Variants in TULP3 observed in about 807,000 individuals in gnomAD.
TULP3 encodes TUB like protein 3, also known as tubby-related protein 3.
TULP3 carries 38 observed loss-of-function variants against 50.7 expected under a neutral mutation model. That is an observed-to-expected ratio of 0.75 (90% CI 0.58 to 0.98). The LOEUF (loss-of-function observed/expected upper bound fraction) is 0.98. Ranked by LOEUF, TULP3 falls within the 50% of genes least tolerant of loss-of-function variation. The pLI, the probability that TULP3 is intolerant of heterozygous loss-of-function variation, is 0.00. For synonymous variants in TULP3, 183 were observed against 196.6 expected (o/e 0.93, Z 0.58); for missense variants, 550 against 568.0 (o/e 0.97, Z 0.32).
intron 4 of TULP3, among the ~76,000 whole-genome samples, chr12:2,929,148 C>T (rs1274095449): frequency 6.6e-6 from 1 of 151,772 alleles, no homozygotes; most frequent in East Asian, 1.9e-4. Flanking sequence ...GAAACCCCGT[C>T]TCTACTAAAA....
intron 1 of TULP3, among the ~76,000 whole-genome samples, chr12:2,904,698 CT>C (rs965962698): frequency 2.0e-5 from 3 of 149,250 alleles, no homozygotes; most frequent in South Asian, 2.1e-4. Context: ...AATTACTCCA[CT>C]TTTTTTTTTC....
chr12:2,915,231 C>G (rs2098187944), intron 2 of TULP3, among the ~76,000 whole-genome samples: 1 of 152,146 alleles, frequency 6.6e-6, no homozygotes, highest in Non-Finnish European at 1.5e-5. Flanking sequence ...CTCAAGTGAT[C>G]CACCCATCTC....
intron 5 of TULP3, among the ~76,000 whole-genome samples, chr12:2,930,577 T>A (rs1019889041): frequency 1.1e-4 from 17 of 152,034 alleles, no homozygotes; most frequent in Non-Finnish European, 2.1e-4. Context: ...GCGCCCGCCA[T>A]GACACCCGGC....
intron 4 of TULP3, among the ~76,000 whole-genome samples, chr12:2,923,808 C>CA (rs1269262773): frequency 5.2e-4 from 77 of 147,514 alleles, no homozygotes; most frequent in Non-Finnish European, 8.2e-4. Flanking sequence ...CTTGTCTCTA[C>CA]AAAAAATGCA....
chr12:2,934,644 C>T (rs1426355639), intron 8 of TULP3, 83 bp downstream of exon 8: 5 of 732,286 alleles, frequency 6.8e-6, no homozygotes, highest in Non-Finnish European at 1.1e-5. Context: ...GAAGAACCTC[C>T]CCTCCCAAGC....
intron 2 of TULP3, among the ~76,000 whole-genome samples, chr12:2,915,137 C>T (rs966471891): frequency 6.6e-6 from 1 of 152,036 alleles, no homozygotes; most frequent in Non-Finnish European, 1.5e-5. Flanking sequence ...TACAGGCAGA[C>T]GCCACCATGC....
At chr12:2,912,497 C>T (rs1351620382) in intron 2 of TULP3, among the ~76,000 whole-genome samples, 3 of 152,122 alleles carry the variant, frequency 2.0e-5, no homozygotes, top group African/African-American at 7.2e-5. Context: ...CTGGGGAAGC[C>T]CTGCCCAGAT....
At chr12:2,929,811 A>T (rs759142567) in intron 4 of TULP3, among the ~76,000 whole-genome samples, 10 of 151,950 alleles carry the variant, frequency 6.6e-5, no homozygotes, top group Non-Finnish European at 1.3e-4. Context: ...GGATGGTCTC[A>T]ATCTCCTGAC....
At chr12:2,929,650 GCA>G (rs1387578102) in intron 4 of TULP3, among the ~76,000 whole-genome samples, 2 of 151,628 alleles carry the variant, frequency 1.3e-5, no homozygotes, top group Non-Finnish European at 2.9e-5. Flanking sequence ...TAGTACAGTG[GCA>G]CAGTCTCGGC....
chr12:2,906,358 C>G (rs1036784372), intron 1 of TULP3, among the ~76,000 whole-genome samples: 1 of 151,058 alleles, frequency 6.6e-6, no homozygotes, highest in South Asian at 2.1e-4. Flanking sequence ...CGGAGTCCCG[C>G]TCTGTCATCC....
Position 2,900,194 on chromosome 12 carries a change from G to C in TULP3, c.41+9206G>C, listed in dbSNP as rs374257215. ...GCCGAGATCGCGCCACTGTACTCCA[G>C]CCTAGCGACAGAGCAAGACTCTGTC... On this transcript the variant is annotated intron_variant, in intron 1 of 10. Transcript: ENST00000448120. Among the ~76,000 whole-genome samples the C allele has an allele frequency of 2.6e-4, 39 of 152,264 alleles. No homozygotes were observed. The South Asian group carries it at 7.9e-3, about 31-fold the overall frequency.
chr12:2,908,091 T>C (rs1005390253), intron 1 of TULP3, among the ~76,000 whole-genome samples: 4 of 152,180 alleles, frequency 2.6e-5, no homozygotes, highest in African/African-American at 9.7e-5. Flanking sequence ...AGCATGCAAA[T>C]TGAAGTTGCT....
chr12:2,930,129 T>C, intron 4 of TULP3, 119 bp from the exon 5 acceptor site: 1 of 677,884 alleles, frequency 1.5e-6, no homozygotes, highest in Non-Finnish European at 2.4e-6. Flanking sequence ...GACAAAATAG[T>C]TGTGTTTACG....
chr12:2,920,963 T>C (rs755410042), intron 3 of TULP3, 41 bp downstream of exon 3: 20 of 1,608,428 alleles, frequency 1.2e-5, no homozygotes, highest in Non-Finnish European at 1.5e-5. Flanking sequence ...GGGGTACAAT[T>C]TTCACAAACC....
At chr12:2,929,791 A>G (rs540549287) in intron 4 of TULP3, among the ~76,000 whole-genome samples, 32 of 151,922 alleles carry the variant, frequency 2.1e-4, no homozygotes, top group Non-Finnish European at 3.7e-4. Flanking sequence ...GGGTTTCACC[A>G]TGTTAGCCAG....
At chr12:2,935,992 C>G (rs966870773) in intron 8 of TULP3, among the ~76,000 whole-genome samples, 1 of 151,788 alleles carries the variant, frequency 6.6e-6, no homozygotes, top group African/African-American at 2.4e-5. Context: ...ATCGGCCAGG[C>G]GTGGTGGCTC....
At chr12:2,913,470 C>T (rs2098186866) in intron 2 of TULP3, among the ~76,000 whole-genome samples, 2 of 151,970 alleles carry the variant, frequency 1.3e-5, no homozygotes, top group Admixed American at 1.3e-4. Context: ...TGCAGTGTTG[C>T]CCAGGCTGGT....
chr12:2,940,475 A>T lies in TULP3; in HGVS notation c.*1031A>T. ...GAAGGTGTTTTGCTACGTTTTTTTG[A>T]TTATTACACCCCTCCACGTATTATG... On this transcript the variant is annotated 3_prime_UTR_variant, in exon 11 of 11. Coordinates refer to ENST00000448120, the MANE Select transcript of TULP3 (RefSeq NM_003324.5). 4 of 1,487,114 alleles carry T rather than the reference A, an allele frequency of 2.7e-6. No individual in the cohort carries two copies. Among genetic ancestry groups the T allele is most frequent in the Admixed American group, 2.5e-5 (1 of 40,526 alleles). The allele number at this position is 1,487,114 out of a possible 1,614,324, so 92.1% of individuals were successfully genotyped here. A position where few individuals can be genotyped will look rare whatever the true frequency, so the allele number is the denominator to read the frequency against.
chr12:2,901,393 A>C (rs1271200630), intron 1 of TULP3, among the ~76,000 whole-genome samples: 2 of 54,310 alleles, frequency 3.7e-5, no homozygotes, highest in Non-Finnish European at 7.9e-5. Flanking sequence ...GTTTTATTTT[A>C]TTTTTTGAGA....
Sources: gnomAD v4.1 joint callset for allele counts (sites outside exome capture counted in the v4.1 genomes callset) on GRCh38, gnomAD v4.1.1 for gene constraint, MANE v1.5 for transcripts, NCBI Gene and HGNC (gene_info 2026-07-23, HGNC 2026-07-21) for gene names.